Variants in BTBD7 observed in about 807,000 individuals in gnomAD.
BTBD7 encodes the protein BTB/POZ domain-containing protein 7.
In BTBD7, 38 loss-of-function variants were observed where a neutral mutation model predicts 99.9. That is an observed-to-expected ratio of 0.38 (90% CI 0.29 to 0.50). The LOEUF (loss-of-function observed/expected upper bound fraction) is 0.50, where lower values mean the gene tolerates loss of function less well. BTBD7 is among the 20% of genes least tolerant of loss of function. The probability of loss-of-function intolerance (pLI) is 0.93; values close to 1 mark genes in which losing one functional copy is unlikely to be tolerated. For missense variants in BTBD7, 1,170 were observed against 1,394.6 expected (o/e 0.84, Z 2.57); for synonymous variants, 520 against 511.4 (o/e 1.02, Z -0.23).
intron 1 of BTBD7, among the ~76,000 whole-genome samples, chr14:93,306,252 G>A (rs1208186520): frequency 6.6e-6 from 1 of 152,096 alleles, no homozygotes; most frequent in East Asian, 1.9e-4. Flanking sequence ...GAAGCATATA[G>A]GAGAAGCAAT....
At position 93,242,584 on chromosome 14, in the gene BTBD7, C is replaced by T. The variant is rs552454801; in HGVS notation, c.3088G>A (p.Val1030Ile). ...QKNEPIHLDVVEQPPQRSDFP... is the reference protein window; with the variant it reads ...QKNEPIHLDVIEQPPQRSDFP... ...TCTGACCGCTGGGGAGGTTGCTCAA[C>T]GACATCCAGGTGTATCGGCTCATTC... Residue 1030 changes from valine (V) to isoleucine (I), a missense_variant, in exon 11 of 11, where the codon GTT (valine) becomes ATT (isoleucine). Val to Ile is a conservative substitution (Grantham distance 29). Transcript: ENST00000334746. 43 of 1,614,172 alleles carry T rather than the reference C, an allele frequency of 2.7e-5. No homozygotes were observed. Among genetic ancestry groups the T allele is most frequent in the South Asian group, 2.6e-4 (24 of 91,084 alleles).
chr14:93,321,859 T>C (rs1007055637), intron 1 of BTBD7, among the ~76,000 whole-genome samples: 2 of 152,080 alleles, frequency 1.3e-5, no homozygotes, highest in Admixed American at 6.5e-5. Context: ...AGACTGACAA[T>C]AGAAAGTGTG....
chr14:93,276,155 G>A (rs2052654615), intron 3 of BTBD7, among the ~76,000 whole-genome samples: 1 of 152,196 alleles, frequency 6.6e-6, no homozygotes, highest in Admixed American at 6.5e-5. Flanking sequence ...GGTCAAGGTT[G>A]CAGTGAGCTG....
chr14:93,286,189 C>T (rs75764179), intron 3 of BTBD7, among the ~76,000 whole-genome samples: 11,529 of 152,260 alleles, frequency 0.076, 969 homozygotes, highest in African/African-American at 0.21. Flanking sequence ...CTAACCCTGA[C>T]TAGAGAAGGC....
intron 1 of BTBD7, among the ~76,000 whole-genome samples, chr14:93,328,321 G>T (rs1416269026): frequency 2.0e-5 from 3 of 152,026 alleles, no homozygotes; most frequent in Non-Finnish European, 4.4e-5. Context: ...ATCTTGAAAA[G>T]AACAAAGTGG....
chr14:93,276,010 T>G (rs1189075735), intron 3 of BTBD7, among the ~76,000 whole-genome samples: 2 of 152,042 alleles, frequency 1.3e-5, no homozygotes, highest in Non-Finnish European at 2.9e-5. Flanking sequence ...AGCCCAGGAG[T>G]CCAAGACCAG....
At chr14:93,325,546 T>G (rs1394022872) in intron 1 of BTBD7, among the ~76,000 whole-genome samples, 1 of 152,124 alleles carries the variant, frequency 6.6e-6, no homozygotes, top group African/African-American at 2.4e-5. Context: ...TAGTCCAGAC[T>G]AATAAGGGAG....
Position 93,239,546 on chromosome 14 carries a change from G to C in BTBD7, c.*2727C>G, listed in dbSNP as rs2052197684. 6.6e-6 allele frequency: 1 copy of C among 152,004 alleles called. No individual in the cohort carries two copies. Among genetic ancestry groups the C allele is most frequent in the Non-Finnish European group, 1.5e-5 (1 of 67,962 alleles). The allele number at this position is 152,004 out of a possible 1,614,324, so 9.4% of individuals were successfully genotyped here. A position where few individuals can be genotyped will look rare whatever the true frequency, so the allele number is the denominator to read the frequency against. On this transcript the variant is annotated 3_prime_UTR_variant, in exon 11 of 11. Transcript: ENST00000334746. ...TAATAGATGGGTTCAAAAGCCAGAGGCATGTAGCTCTTGAACCTACCCTAG... is the reference window on the plus strand; with the variant it reads ...TAATAGATGGGTTCAAAAGCCAGAGCCATGTAGCTCTTGAACCTACCCTAG...
intron 5 of BTBD7, among the ~76,000 whole-genome samples, chr14:93,259,113 A>C (rs552591812): frequency 5.9e-4 from 90 of 152,344 alleles, no homozygotes; most frequent in Non-Finnish European, 9.4e-4. Context: ...TAGGGAAAAC[A>C]CAGGGTTAGG....
At chr14:93,262,528 T>C (rs551674068) in intron 4 of BTBD7, among the ~76,000 whole-genome samples, 4 of 152,272 alleles carry the variant, frequency 2.6e-5, no homozygotes, top group South Asian at 4.1e-4. Flanking sequence ...GGTTTCTATA[T>C]AGCTGCCTTA....
At chr14:93,313,439 T>C (rs1020895213) in intron 1 of BTBD7, among the ~76,000 whole-genome samples, 2 of 152,198 alleles carry the variant, frequency 1.3e-5, no homozygotes, top group African/African-American at 4.8e-5. Context: ...TTTTCTAATA[T>C]AACCTATTAT....
At chr14:93,257,908 A>T (rs1283661496) in intron 5 of BTBD7, among the ~76,000 whole-genome samples, 1,943 of 152,274 alleles carry the variant, frequency 0.013, 37 homozygotes, top group African/African-American at 0.045. Context: ...TGGGAACATT[A>T]CTGCATAAAA....
At chr14:93,261,119 G>A (rs976707598) in intron 5 of BTBD7, among the ~76,000 whole-genome samples, 5 of 152,156 alleles carry the variant, frequency 3.3e-5, no homozygotes, top group Non-Finnish European at 5.9e-5. Flanking sequence ...TCAAACTCCT[G>A]ACCTCAGGTC....
intron 3 of BTBD7, among the ~76,000 whole-genome samples, chr14:93,286,777 G>C (rs2052783318): frequency 6.6e-6 from 1 of 152,170 alleles, no homozygotes; most frequent in South Asian, 2.1e-4. Flanking sequence ...CTGACAGGAT[G>C]ACCAATGGAG....
chr14:93,268,801 C>T lies in BTBD7; in HGVS notation c.1163-4808G>A, dbSNP rs1032774177. Among the ~76,000 whole-genome samples the T allele has an allele frequency of 4.0e-5, 6 of 149,688 alleles. No homozygotes were observed. The East Asian group carries it at 1.2e-3, about 29-fold the overall frequency. Reference sequence around the variant, plus strand: ...TTGAGACAGATTTTGCTCAGCCGCCCAGGCTGGAGTGCAGCAGCACGATCT... The same window carrying T: ...TTGAGACAGATTTTGCTCAGCCGCCTAGGCTGGAGTGCAGCAGCACGATCT... On this transcript the variant is annotated intron_variant, in intron 3 of 10. Coordinates refer to ENST00000334746, the MANE Select transcript of BTBD7 (RefSeq NM_001002860.4).
At chr14:93,295,279 TA>T (rs1384463001) in intron 2 of BTBD7, among the ~76,000 whole-genome samples, 1 of 152,050 alleles carries the variant, frequency 6.6e-6, no homozygotes, top group South Asian at 2.1e-4. Context: ...CCTGGCTAAT[TA>T]AAAAAATTTT....
intron 3 of BTBD7, among the ~76,000 whole-genome samples, chr14:93,283,095 T>G (rs2139744261): frequency 6.6e-6 from 1 of 152,338 alleles, no homozygotes; most frequent in Non-Finnish European, 1.5e-5. Flanking sequence ...TTGTTTGTTT[T>G]GAGACATGGT....
At chr14:93,317,102 T>A (rs1447465692) in intron 1 of BTBD7, among the ~76,000 whole-genome samples, 1 of 151,940 alleles carries the variant, frequency 6.6e-6, no homozygotes, top group East Asian at 1.9e-4. Context: ...GCCTCTTGGG[T>A]TCAAGCGATT....
At chr14:93,321,847 C>T (rs2053273993) in intron 1 of BTBD7, among the ~76,000 whole-genome samples, 1 of 151,604 alleles carries the variant, frequency 6.6e-6, no homozygotes, top group South Asian at 2.1e-4. Context: ...GGATGATATC[C>T]AAGACTGACA....
Sources: allele counts gnomAD v4.1 joint callset (sites outside exome capture counted in the v4.1 genomes callset), GRCh38; gene constraint gnomAD v4.1.1; transcripts MANE v1.5; gene names NCBI Gene and HGNC (gene_info 2026-07-23, HGNC 2026-07-21).